The following WDR49 variants were observed in gnomAD, a reference collection of about 807,000 sequenced individuals.
The protein encoded by WDR49 is cilia- and flagella-associated protein 337.
A neutral mutation model predicts 119.5 loss-of-function variants in WDR49; 107 were observed. That is an observed-to-expected ratio of 0.90 (90% CI 0.77 to 1.05). The LOEUF is 1.05. WDR49 is among the 50% of genes least tolerant of loss of function. WDR49 has a pLI of 0.00. For missense variants in WDR49, 1,240 were observed against 1,220.5 expected (o/e 1.02, Z -0.24); for synonymous variants, 425 against 418.8 (o/e 1.01, Z -0.18).
intron 5 of WDR49, among the ~76,000 whole-genome samples, chr3:167,612,622 A>T (rs563487720): frequency 6.6e-6 from 1 of 152,198 alleles, no homozygotes; most frequent in Non-Finnish European, 1.5e-5. Context: ...TCAGAAATGA[A>T]AAAGGAGACA....
At chr3:167,556,416 G>A (rs1295024122) in intron 9 of WDR49, among the ~76,000 whole-genome samples, 1 of 152,170 alleles carries the variant, frequency 6.6e-6, no homozygotes, top group Non-Finnish European at 1.5e-5. Context: ...GCCAGACCCA[G>A]TCCTCAAGAG....
intron 7 of WDR49, among the ~76,000 whole-genome samples, chr3:167,586,189 G>A (rs1008969985): frequency 2.0e-5 from 3 of 152,114 alleles, no homozygotes; most frequent in African/African-American, 4.8e-5. Flanking sequence ...TAGTGGCCTC[G>A]GGGAGAATAG....
At chr3:167,554,877 G>C in intron 9 of WDR49, 79 bp from the exon 10 acceptor site, 1 of 1,035,484 alleles carries the variant, frequency 9.7e-7, no homozygotes, top group Non-Finnish European at 1.4e-6. Flanking sequence ...ATTCATTTAG[G>C]ATATGTAATC....
chr3:167,512,296 C>A lies in WDR49; in HGVS notation c.2775-6880G>T, dbSNP rs528123499. Reference sequence around the variant, plus strand: ...TCTTCTGCAGCCTCCACTGGTGATACCTCCAGGTGCATGAGGGACCCAGGT... The same window carrying A: ...TCTTCTGCAGCCTCCACTGGTGATAACTCCAGGTGCATGAGGGACCCAGGT... On this transcript the variant is annotated intron_variant, in intron 16 of 18. Transcript: ENST00000682715. 2.6e-5 allele frequency among the ~76,000 whole-genome samples: 4 copies of A among 152,254 alleles called. No homozygotes were observed. In the South Asian group the frequency reaches 6.2e-4, roughly 24 times the overall value.
At chr3:167,490,669 T>G (rs1391639904) in intron 18 of WDR49, among the ~76,000 whole-genome samples, 2 of 152,168 alleles carry the variant, frequency 1.3e-5, no homozygotes, top group African/African-American at 4.8e-5. Flanking sequence ...TGTGAAACAT[T>G]GTGTGTTTCA....
chr3:167,587,671 G>T (rs1714890265), intron 7 of WDR49, among the ~76,000 whole-genome samples: 1 of 152,136 alleles, frequency 6.6e-6, no homozygotes, highest in Middle Eastern at 3.4e-3. Flanking sequence ...TTTTTGTAGA[G>T]ATGGGTTTTT....
At chr3:167,655,899 C>CTCTCTCTCTATA (rs1718589520), upstream of WDR49, among the ~76,000 whole-genome samples, 1 of 151,982 alleles carries the variant, frequency 6.6e-6, no homozygotes, top group Non-Finnish European at 1.5e-5. Context: ...CACTGTCTCT[C>CTCTCTCTCTATA]TCTCTCTCTC....
At position 167,560,213 on chromosome 3, in the gene WDR49, T is replaced by TA. The variant is rs1560286005; in HGVS notation, c.1524dup (p.Thr509TyrfsTer34). 6.2e-7 allele frequency: 1 copy of TA among 1,613,658 alleles called. No homozygotes were observed. Among genetic ancestry groups the TA allele is most frequent in the Admixed American group, 1.7e-5 (1 of 59,886 alleles). ...ATCCAGAAGGAAACAGTAGACCCTG[T>TA]ATCAGAGCTGATTACCTAAGAGAAA... On this transcript the variant is annotated frameshift_variant, in exon 9 of 19. Coordinates refer to ENST00000682715, the MANE Select transcript of WDR49 (RefSeq NM_001366157.1). LOFTEE classifies it high-confidence loss of function.
chr3:167,654,755 C>T (rs1718540473), upstream of WDR49, among the ~76,000 whole-genome samples: 1 of 151,736 alleles, frequency 6.6e-6, no homozygotes, highest in Non-Finnish European at 1.5e-5. Context: ...AATAATCAGC[C>T]GAGCATGGTG....
At chr3:167,561,151 A>T (rs2108271010) in intron 8 of WDR49, among the ~76,000 whole-genome samples, 1 of 152,346 alleles carries the variant, frequency 6.6e-6, no homozygotes, top group East Asian at 1.9e-4. Flanking sequence ...TTAAATTTAA[A>T]TGCTGCTTTT....
chr3:167,654,689 A>G (rs535764630), upstream of WDR49, among the ~76,000 whole-genome samples: 2 of 152,252 alleles, frequency 1.3e-5, no homozygotes, highest in East Asian at 3.9e-4. Context: ...TCAGCTCAGG[A>G]GTTCGAGAGC....
intron 7 of WDR49, among the ~76,000 whole-genome samples, chr3:167,582,582 T>C (rs1325455652): frequency 6.6e-6 from 1 of 152,176 alleles, no homozygotes; most frequent in African/African-American, 2.4e-5. Context: ...TGTCTGTTTA[T>C]TCTTTCATTG....
Position 167,653,342 on chromosome 3 carries a change from A to C in WDR49, c.84T>G (p.Thr28=). 2 of 1,536,158 alleles carry C rather than the reference A, an allele frequency of 1.3e-6. No individual in the cohort carries two copies. Among genetic ancestry groups the C allele is most frequent in the Non-Finnish European group, 1.7e-6 (2 of 1,146,892 alleles). Residue 28 remains threonine (T), a synonymous_variant, in exon 2 of 19, where the codon ACT becomes ACG. Coordinates refer to ENST00000682715, the MANE Select transcript of WDR49 (RefSeq NM_001366157.1). ...PKSPERTEGV[T]AFEDYGTGLL... The stretch of plus-strand genomic sequence containing the variant: ...GGCCTGTGCCATAGTCTTCAAATGC[A>C]GTTACACCTTCTGTTCTCTCAGGAC...
intron 7 of WDR49, among the ~76,000 whole-genome samples, chr3:167,582,315 A>G (rs1488485756): frequency 6.6e-6 from 1 of 152,146 alleles, no homozygotes; most frequent in Non-Finnish European, 1.5e-5. Flanking sequence ...TAGCAGAACT[A>G]TTCTACTGAA....
intron 14 of WDR49, among the ~76,000 whole-genome samples, chr3:167,528,378 G>GA (rs1285578219): frequency 1.3e-5 from 2 of 151,640 alleles, no homozygotes; most frequent in Admixed American, 6.6e-5. Flanking sequence ...TGATAAAAAA[G>GA]AAAAAATCCC....
chr3:167,639,413 G>T (rs1265248885), intron 2 of WDR49, among the ~76,000 whole-genome samples: 2 of 151,642 alleles, frequency 1.3e-5, no homozygotes, highest in African/African-American at 2.4e-5. Context: ...ACTATTAGCA[G>T]AAATAGGCCT....
chr3:167,549,144 A>G (rs1485842067), intron 10 of WDR49, among the ~76,000 whole-genome samples: 3 of 152,190 alleles, frequency 2.0e-5, no homozygotes, highest in Non-Finnish European at 4.4e-5. Flanking sequence ...ATAGTGCCAC[A>G]ATAAACATAC....
chr3:167,560,825 A>G (rs1713226398), intron 8 of WDR49, among the ~76,000 whole-genome samples: 1 of 151,862 alleles, frequency 6.6e-6, no homozygotes, highest in South Asian at 2.1e-4. Flanking sequence ...ATAAATCTAC[A>G]TGCACACTTT....
chr3:167,596,173 C>T (rs1472321940), intron 7 of WDR49, among the ~76,000 whole-genome samples: 8 of 151,828 alleles, frequency 5.3e-5, no homozygotes, highest in African/African-American at 1.7e-4. Context: ...CAGTGAGATA[C>T]CATCTCACAC....
Sources: allele counts gnomAD v4.1 joint callset (sites outside exome capture counted in the v4.1 genomes callset), GRCh38; gene constraint gnomAD v4.1.1; transcripts MANE v1.5; gene names NCBI Gene and HGNC (gene_info 2026-07-23, HGNC 2026-07-21).